Variants in NTN1 observed in about 807,000 individuals in gnomAD.
NTN1 encodes the protein netrin 1.
A neutral mutation model predicts 54.2 loss-of-function variants in NTN1; 11 were observed. The ratio of observed to expected loss-of-function variants is 0.20; its 90% CI spans 0.13 to 0.34. NTN1 has a LOEUF of 0.34. Among genes scored for constraint, NTN1 ranks in the 10% least tolerant of loss-of-function variants. The pLI is 1.00. For missense variants in NTN1, 740 were observed against 893.1 expected, an observed-to-expected ratio of 0.83 and a Z score of 2.18; for synonymous variants, 371 against 382.0, an observed-to-expected ratio of 0.97 and a Z score of 0.33.
At position 9,182,975 on chromosome 17, in the gene NTN1, C is replaced by CG; in HGVS notation, c.1411+8dup. 1 of 1,613,778 alleles carries CG rather than the reference C, an allele frequency of 6.2e-7. No individual in the cohort carries two copies. The highest frequency in any genetic ancestry group is 8.5e-7 in the Non-Finnish European group (1 of 1,179,870). ...CAGCGTGGAGGAGCCTGAAGGTAAA[C>CG]GGCCCCCTTCGCTTCTCATTTCCCG... On this transcript the variant is annotated splice_region_variant and intron_variant, in intron 5 of 6. Coordinates refer to ENST00000173229, the MANE Select transcript of NTN1 (RefSeq NM_004822.3).
chr17:9,072,055 G>A (rs1029242403), intron 2 of NTN1, among the ~76,000 whole-genome samples: 3 of 152,168 alleles, frequency 2.0e-5, no homozygotes, highest in Admixed American at 6.5e-5. Flanking sequence ...GAGGGAAGCC[G>A]GGGCTGGGAG....
intron 6 of NTN1, among the ~76,000 whole-genome samples, chr17:9,226,847 G>A (rs1036183148): frequency 2.6e-5 from 4 of 151,998 alleles, no homozygotes; most frequent in South Asian, 4.1e-4. Context: ...AGATACAGGC[G>A]GAGCAAGGCC....
rs549337821 is a variant in NTN1, at chr17:9,147,256, G to A, written c.1019-15557G>A. ...AGCTCACGTGTAAGAATATTAACAA[G>A]GCCATTTGGGAGGCCGAGGTGGGCA... is the stretch of plus-strand genomic sequence containing the variant. On this transcript the variant is annotated intron_variant, in intron 2 of 6. Transcript: ENST00000173229. Among the ~76,000 whole-genome samples the A allele has an allele frequency of 2.6e-5, 4 of 152,328 alleles. No homozygotes were observed. In the South Asian group the frequency reaches 8.3e-4, roughly 32 times the overall value.
At chr17:9,077,438 A>G (rs1166595684) in intron 2 of NTN1, among the ~76,000 whole-genome samples, 4 of 152,192 alleles carry the variant, frequency 2.6e-5, no homozygotes, top group Non-Finnish European at 5.9e-5. Context: ...TCCAGGCCAT[A>G]TACCATCAGC....
At chr17:9,060,993 T>G (rs1016634459) in intron 2 of NTN1, among the ~76,000 whole-genome samples, 12 of 65,556 alleles carry the variant, frequency 1.8e-4, no homozygotes, top group South Asian at 9.8e-4. Flanking sequence ...AAAAAAAAAG[T>G]AGGCAACAAA....
rs140608446 is a variant in NTN1, at chr17:9,181,133, C to T, written c.1357+1177C>T. 3.9e-5 allele frequency among the ~76,000 whole-genome samples: 6 copies of T among 152,320 alleles called. No homozygotes were observed. In the East Asian group the frequency reaches 1.2e-3, roughly 29 times the overall value. ...CAGAGGCTGAAGCCTTGGGAACTCT[C>T]ATTTCCCAGCCTGTGCCTTCTCTCC... On this transcript the variant is annotated intron_variant, in intron 4 of 6. Transcript: ENST00000173229.
intron 5 of NTN1, among the ~76,000 whole-genome samples, chr17:9,199,228 C>T (rs2003542): frequency 0.34 from 52,329 of 151,872 alleles, 10,597 homozygotes; most frequent in Non-Finnish European, 0.46. Context: ...TTGCAACCTC[C>T]GCTTCCTGGG....
chr17:9,243,435 T>TGGTTC lies in NTN1; in HGVS notation c.*3468_*3472dup, dbSNP rs61409174. ...GAAGAGACCCTAAGGGACTGGGGAA[T>TGGTTC]GGTTCCTGCCTTCAGGAAAGTGAAA... is the stretch of plus-strand genomic sequence containing the variant. On this transcript the variant is annotated 3_prime_UTR_variant, in exon 7 of 7. Coordinates refer to ENST00000173229, the MANE Select transcript of NTN1 (RefSeq NM_004822.3). 92,027 of 151,536 alleles carry TGGTTC rather than the reference T, an allele frequency of 0.61. 29,942 individuals carry two copies. Among genetic ancestry groups the TGGTTC allele is most frequent in the Non-Finnish European group, 0.75 (50,774 of 67,756 alleles). The allele number at this position is 151,536 out of a possible 1,614,324, so 9.4% of individuals were successfully genotyped here. A position where few individuals can be genotyped will look rare whatever the true frequency, so the allele number is the denominator to read the frequency against.
chr17:9,229,982 C>T (rs903841196), intron 6 of NTN1, among the ~76,000 whole-genome samples: 4 of 151,904 alleles, frequency 2.6e-5, no homozygotes, highest in African/African-American at 4.8e-5. Context: ...TCAGATGAGC[C>T]GGGGAGGGGA....
At chr17:9,162,692 C>A in intron 2 of NTN1, 121 bp from the exon 3 acceptor site, 1 of 920,794 alleles carries the variant, frequency 1.1e-6, no homozygotes. Context: ...CACAAGTCTG[C>A]CTGCCTGGCT....
chr17:9,070,040 C>T (rs2092027458), intron 2 of NTN1, among the ~76,000 whole-genome samples: 1 of 152,112 alleles, frequency 6.6e-6, no homozygotes, highest in Non-Finnish European at 1.5e-5. Context: ...GGAGCACATA[C>T]CCGCCTTCTT....
At chr17:9,026,264 A>G (rs1006303606) in intron 2 of NTN1, among the ~76,000 whole-genome samples, 6 of 152,044 alleles carry the variant, frequency 3.9e-5, no homozygotes, top group Non-Finnish European at 7.3e-5. Flanking sequence ...AGAAATGCAC[A>G]TATCCTATAT....
intron 5 of NTN1, among the ~76,000 whole-genome samples, chr17:9,204,876 G>A (rs977851823): frequency 9.9e-5 from 15 of 152,176 alleles, no homozygotes; most frequent in African/African-American, 3.6e-4. Flanking sequence ...AGAGTAACCG[G>A]TGGTCTGTGT....
chr17:9,154,058 G>A (rs567622116), intron 2 of NTN1, among the ~76,000 whole-genome samples: 4 of 152,362 alleles, frequency 2.6e-5, no homozygotes, highest in Admixed American at 6.5e-5. Flanking sequence ...CACGGTCCCC[G>A]TAGGGGTCAT....
At chr17:9,114,166 A>AATATATATATATATATATATATAT (rs34188198) in intron 2 of NTN1, among the ~76,000 whole-genome samples, 21 of 74,536 alleles carry the variant, frequency 2.8e-4, no homozygotes, top group Middle Eastern at 9.4e-3. Flanking sequence ...AAAAAAAAAA[A>AATATATATATATATATATATATAT]ATATATATAT....
At chr17:9,015,825 C>T in the NTN1 span, among the ~76,000 whole-genome samples, 2 of 152,146 alleles carry the variant, frequency 1.3e-5, no homozygotes, top group Non-Finnish European at 2.9e-5. Flanking sequence ...AATCCCAGCA[C>T]TTTGGGAGGC....
intron 2 of NTN1, among the ~76,000 whole-genome samples, chr17:9,129,165 A>G (rs572621994): frequency 6.6e-6 from 1 of 152,296 alleles, no homozygotes; most frequent in African/African-American, 2.4e-5. Flanking sequence ...ACCTGAGGAA[A>G]TTGAAAAACA....
chr17:9,180,639 C>T (rs979355225), intron 4 of NTN1, among the ~76,000 whole-genome samples: 1 of 152,226 alleles, frequency 6.6e-6, no homozygotes, highest in African/African-American at 2.4e-5. Context: ...ATTCCCCCTG[C>T]CCCTGGTGGG....
At chr17:9,080,324 C>G (rs938604115) in intron 2 of NTN1, among the ~76,000 whole-genome samples, 1 of 152,204 alleles carries the variant, frequency 6.6e-6, no homozygotes, top group African/African-American at 2.4e-5. Context: ...TTGACTGGTC[C>G]TCCTTGCTGC....
Sources: gnomAD v4.1 joint callset for allele counts (sites outside exome capture counted in the v4.1 genomes callset) on GRCh38, gnomAD v4.1.1 for gene constraint, MANE v1.5 for transcripts, NCBI Gene and HGNC (gene_info 2026-07-23, HGNC 2026-07-21) for gene names.